B3GALT1: variants seen among roughly 807,000 people sequenced by gnomAD.
B3GALT1 encodes beta-1,3-galactosyltransferase 1.
Under a neutral mutation model 23.2 loss-of-function variants are expected in B3GALT1, and 10 were observed. The ratio of observed to expected loss-of-function variants is 0.43; its 90% confidence interval spans 0.27 to 0.73. The LOEUF (loss-of-function observed/expected upper bound fraction) is 0.73, where lower values mean the gene tolerates loss of function less well. Ranked by LOEUF, B3GALT1 falls within the 30% of genes least tolerant of loss-of-function variation. B3GALT1 has a pLI of 0.21. For synonymous variants in B3GALT1, 156 were observed against 141.5 expected (o/e 1.10, Z -0.73); for missense variants, 299 against 405.4 (o/e 0.74, Z 2.25).
chr2:167,353,947 G>A (rs1341831993), intron 1 of B3GALT1, among the ~76,000 whole-genome samples: 1 of 152,018 alleles, frequency 6.6e-6, no homozygotes, highest in Non-Finnish European at 1.5e-5. Context: ...TGATCATTGT[G>A]AAATCTTAAG....
At chr2:167,578,190 AAAGGGCCATTC>A (rs1382320682) in intron 2 of B3GALT1, among the ~76,000 whole-genome samples, 9 of 151,954 alleles carry the variant, frequency 5.9e-5, no homozygotes, top group Admixed American at 5.9e-4. Flanking sequence ...TGAGTTCTGG[AAAGGGCCATTC>A]AGATATCACC....
At chr2:167,724,114 T>C (rs571866566) in intron 3 of B3GALT1, among the ~76,000 whole-genome samples, 2 of 152,350 alleles carry the variant, frequency 1.3e-5, no homozygotes, top group South Asian at 4.1e-4. Flanking sequence ...TTATGTTAAA[T>C]TTGTCTTCAG....
intron 2 of B3GALT1, among the ~76,000 whole-genome samples, chr2:167,596,519 T>C (rs911735754): frequency 1.3e-5 from 2 of 152,206 alleles, no homozygotes; most frequent in South Asian, 4.1e-4. Flanking sequence ...ACTTTAAGGA[T>C]AATTAGAGAT....
chr2:167,545,225 C>T (rs1201565240), intron 2 of B3GALT1, among the ~76,000 whole-genome samples: 3 of 151,564 alleles, frequency 2.0e-5, no homozygotes, highest in South Asian at 2.1e-4. Flanking sequence ...TTAGTAGAGA[C>T]AGGGTTTCAC....
intron 1 of B3GALT1, among the ~76,000 whole-genome samples, chr2:167,456,569 C>T (rs1559102759): frequency 6.6e-6 from 1 of 152,180 alleles, no homozygotes; most frequent in Non-Finnish European, 1.5e-5. Context: ...TTGCAAATAT[C>T]AGGTCCCCAG....
chr2:167,307,220 G>A (rs1916743), intron 1 of B3GALT1, among the ~76,000 whole-genome samples: 66,500 of 151,856 alleles, frequency 0.44, 17,982 homozygotes, highest in Non-Finnish European at 0.61. Flanking sequence ...AAGTGAAATA[G>A]GAAGAAACAG....
At chr2:167,550,665 T>C (rs1265797683) in intron 2 of B3GALT1, among the ~76,000 whole-genome samples, 1 of 152,176 alleles carries the variant, frequency 6.6e-6, no homozygotes, top group South Asian at 2.1e-4. Flanking sequence ...GCCTAGCAAA[T>C]GGAAAGTGGT....
In B3GALT1 at chr2:167,398,512, T is replaced by C. The variant is rs202171722; in HGVS notation, c.-510-91665T>C. Among the ~76,000 whole-genome samples the C allele has an allele frequency of 2.0e-5, 3 of 152,114 alleles. No homozygotes were observed. In the East Asian group the frequency reaches 5.8e-4, roughly 29 times the overall value. On this transcript the variant is annotated intron_variant, in intron 1 of 4. Coordinates refer to ENST00000392690, the MANE Select transcript of B3GALT1 (RefSeq NM_020981.4). ...TTGAGTGTTTAATGTGTGCCAGGTG[T>C]AAATCTTACATTCATGACTCTTACT... is the stretch of plus-strand genomic sequence containing the variant.
intron 4 of B3GALT1, among the ~76,000 whole-genome samples, chr2:167,844,536 G>C (rs780502449): frequency 7.2e-5 from 11 of 152,202 alleles, no homozygotes; most frequent in Non-Finnish European, 1.2e-4. Flanking sequence ...CTGGAGCAGA[G>C]TCAATTTAGA....
chr2:167,367,405 A>C (rs2105266966), intron 1 of B3GALT1, among the ~76,000 whole-genome samples: 1 of 152,328 alleles, frequency 6.6e-6, no homozygotes, highest in South Asian at 2.1e-4. Context: ...TCTTAGGGAA[A>C]GTGGTCAACA....
intron 4 of B3GALT1, among the ~76,000 whole-genome samples, chr2:167,867,116 C>T (rs6758138): frequency 0.11 from 16,174 of 152,064 alleles, 955 homozygotes; most frequent in Middle Eastern, 0.15. Flanking sequence ...TTAGTAGAGA[C>T]GGGGTTTCAC....
At chr2:167,756,087 A>G (rs1429273808) in intron 3 of B3GALT1, among the ~76,000 whole-genome samples, 1 of 152,214 alleles carries the variant, frequency 6.6e-6, no homozygotes, top group Non-Finnish European at 1.5e-5. Flanking sequence ...TAAAAGGGAA[A>G]TATTCAGATT....
At chr2:167,703,978 A>G (rs12471283) in intron 3 of B3GALT1, among the ~76,000 whole-genome samples, 14,925 of 151,886 alleles carry the variant, frequency 0.098, 975 homozygotes, top group East Asian at 0.26. Flanking sequence ...TCAGGAGATC[A>G]AGACCTTCCT....
At chr2:167,804,753 T>A (rs1443211134) in intron 3 of B3GALT1, among the ~76,000 whole-genome samples, 1 of 152,204 alleles carries the variant, frequency 6.6e-6, no homozygotes, top group African/African-American at 2.4e-5. Flanking sequence ...TGGTTCCAAG[T>A]CTTTGCTATT....
At position 167,327,885 on chromosome 2, in the gene B3GALT1, A is replaced by C. The variant is rs78115187; in HGVS notation, c.-511+34551A>C. 2.9e-3 allele frequency among the ~76,000 whole-genome samples: 434 copies of C among 152,174 alleles called. 1 individual carries two copies. Among genetic ancestry groups the C allele is most frequent in the African/African-American group, 9.4e-3 (389 of 41,520 alleles). ...GTCATACATGCCATTTATTATTTTG[A>C]GTTATGTTTCTTCTGTGCCTGGTTT... is the stretch of plus-strand genomic sequence containing the variant. On this transcript the variant is annotated intron_variant, in intron 1 of 4. Transcript: ENST00000392690.
At chr2:167,394,693 C>A (rs1156771729) in intron 1 of B3GALT1, among the ~76,000 whole-genome samples, 1 of 152,124 alleles carries the variant, frequency 6.6e-6, no homozygotes, top group Non-Finnish European at 1.5e-5. Context: ...GAGGCACACT[C>A]CACTCAATGC....
At chr2:167,345,964 T>C (rs989477928) in intron 1 of B3GALT1, among the ~76,000 whole-genome samples, 7 of 152,180 alleles carry the variant, frequency 4.6e-5, no homozygotes, top group Middle Eastern at 3.4e-3. Flanking sequence ...ATGGTATTTT[T>C]TCCAGCTTAC....
At chr2:167,781,578 G>T (rs1688245208) in intron 3 of B3GALT1, among the ~76,000 whole-genome samples, 1 of 152,148 alleles carries the variant, frequency 6.6e-6, no homozygotes, top group African/African-American at 2.4e-5. Context: ...AAACGATTTT[G>T]GCTCAAAGTT....
chr2:167,856,276 A>G (rs988720411), intron 4 of B3GALT1, among the ~76,000 whole-genome samples: 2 of 152,208 alleles, frequency 1.3e-5, no homozygotes, highest in Admixed American at 6.5e-5. Flanking sequence ...CAAAAAGCAG[A>G]AGGAAGGCAA....
Sources: gnomAD v4.1 joint callset for allele counts (sites outside exome capture counted in the v4.1 genomes callset) on GRCh38, gnomAD v4.1.1 for gene constraint, MANE v1.5 for transcripts, NCBI Gene and HGNC (gene_info 2026-07-23, HGNC 2026-07-21) for gene names.